ZNF600: variants seen among roughly 807,000 people sequenced by gnomAD.
The protein encoded by ZNF600 is zinc finger protein 600, also known as zinc finger protein KR-ZNF1.
Under a neutral mutation model 7.3 loss-of-function variants are expected in ZNF600, and 4 were observed. The ratio of observed to expected loss-of-function variants is 0.55; its 90% CI spans 0.27 to 1.25. The LOEUF (loss-of-function observed/expected upper bound fraction) is 1.25. ZNF600 is among the 50% of genes most tolerant of loss of function. The pLI is 0.12. For missense variants in ZNF600, 911 were observed against 922.1 expected, an observed-to-expected ratio of 0.99 and a Z score of 0.16; for synonymous variants, 290 against 308.9, an observed-to-expected ratio of 0.94 and a Z score of 0.64.
chr19:52,776,419 T>TTA (rs1230484311), intron 2 of ZNF600, among the ~76,000 whole-genome samples: 1 of 151,730 alleles, frequency 6.6e-6, no homozygotes, highest in Admixed American at 6.6e-5. Flanking sequence ...CTTCTTACTT[T>TTA]TTTTTTTTTT....
At chr19:52,781,452 C>G (rs571962604) in intron 1 of ZNF600, 1 of 152,234 alleles carries the variant, frequency 6.6e-6, no homozygotes, top group South Asian at 2.1e-4. Context: ...AATAGGCTGC[C>G]TTGGTCTTCC....
chr19:52,771,650 G>C (rs750823723), intron 3 of ZNF600, among the ~76,000 whole-genome samples: 1 of 152,208 alleles, frequency 6.6e-6, no homozygotes, highest in South Asian at 2.1e-4. Context: ...GCTAATTTTT[G>C]TATTTTTACC....
upstream of ZNF600, among the ~76,000 whole-genome samples, chr19:52,788,196 A>G (rs1347847197): frequency 6.6e-6 from 1 of 152,214 alleles, no homozygotes; most frequent in African/African-American, 2.4e-5. Context: ...GAAGATGACA[A>G]GGACTGAGAA....
chr19:52,781,331 T>C (rs1438352036), intron 1 of ZNF600: 2 of 152,104 alleles, frequency 1.3e-5, no homozygotes, highest in East Asian at 3.9e-4. Flanking sequence ...ATGTTACAGG[T>C]GGGCTCACTG....
the ZNF600 span, among the ~76,000 whole-genome samples, chr19:52,811,543 C>T: frequency 4.9e-4 from 72 of 147,932 alleles, no homozygotes; most frequent in South Asian, 1.5e-3. Flanking sequence ...TCTGCCCCAC[C>T]GCCCTGTCTG....
chr19:52,767,357 G>A, exon 4 of ZNF600: 2 of 1,614,058 alleles, frequency 1.2e-6, no homozygotes, highest in Non-Finnish European at 1.7e-6. Context: ...TAGAAATATG[G>A]ATTTGGGGCC....
the ZNF600 span, chr19:52,801,771 T>C: frequency 7.2e-7 from 1 of 1,388,888 alleles, no homozygotes; most frequent in Admixed American, 2.3e-5. Flanking sequence ...AATGTGTAAA[T>C]ATGACACAAA....
the ZNF600 span, among the ~76,000 whole-genome samples, chr19:52,802,032 A>T: frequency 6.6e-6 from 1 of 152,244 alleles, no homozygotes; most frequent in Non-Finnish European, 1.5e-5. Flanking sequence ...CACATCAAAA[A>T]AAGAAAAATA....
At chr19:52,825,750 CTG>C in the ZNF600 span, among the ~76,000 whole-genome samples, 2 of 152,040 alleles carry the variant, frequency 1.3e-5, no homozygotes, top group Non-Finnish European at 2.9e-5. Flanking sequence ...CTTCGGGAGG[CTG>C]AGGGGGATGG....
the ZNF600 span, among the ~76,000 whole-genome samples, chr19:52,830,707 AG>A: frequency 1.3e-5 from 2 of 151,646 alleles, no homozygotes; most frequent in Admixed American, 1.3e-4. Context: ...GTAGTGTTGG[AG>A]GGGAGGGGCT....
the ZNF600 span, among the ~76,000 whole-genome samples, chr19:52,819,605 A>G: frequency 9.5e-6 from 1 of 105,032 alleles, no homozygotes; most frequent in African/African-American, 4.0e-5. Context: ...TCAGAGCTGG[A>G]AACATTTTCA....
At chr19:52,833,394 A>G in the ZNF600 span, among the ~76,000 whole-genome samples, 5 of 152,272 alleles carry the variant, frequency 3.3e-5, no homozygotes, top group African/African-American at 1.2e-4. Flanking sequence ...ATGGAATCTC[A>G]GAGCAGGTGA....
intron 3 of ZNF600, among the ~76,000 whole-genome samples, chr19:52,773,033 G>A (rs895424483): frequency 1.3e-5 from 2 of 152,118 alleles, no homozygotes; most frequent in Non-Finnish European, 2.9e-5. Flanking sequence ...TGAGAGTAGT[G>A]TTGGAGGGGA....
chr19:52,831,663 C>T, the ZNF600 span, among the ~76,000 whole-genome samples: 1 of 152,024 alleles, frequency 6.6e-6, no homozygotes, highest in African/African-American at 2.4e-5. Flanking sequence ...CCACCACGCC[C>T]AGCTAATTTT....
Position 52,774,109 on chromosome 19 carries a change from A to C in ZNF600, c.190+466T>G, listed in dbSNP as rs116998129. 6.5e-3 allele frequency among the ~76,000 whole-genome samples: 991 copies of C among 152,230 alleles called. 10 individuals are homozygous for C. The highest frequency in any genetic ancestry group is 0.027 in the Middle Eastern group (8 of 294). On this transcript the variant is annotated intron_variant, in intron 3 of 3. Coordinates refer to ENST00000648973, the Ensembl canonical transcript of ZNF600. ...TGAACAAAATGTGGTATACACATAC[A>C]ATGGAATATTATTCAGCCTTAAAAA...
chr19:52,800,877 C>A, the ZNF600 span: 5 of 1,614,000 alleles, frequency 3.1e-6, no homozygotes, highest in Non-Finnish European at 4.2e-6. Flanking sequence ...TGGTTTCCCT[C>A]CAGTATAAAT....
chr19:52,800,683 A>G, the ZNF600 span: 63 of 1,613,736 alleles, frequency 3.9e-5, no homozygotes, highest in South Asian at 4.2e-4. Context: ...ACTTTTTCAC[A>G]TTCTTCACAT....
chr19:52,778,738 T>A, intron 2 of ZNF600, 88 bp downstream of exon 4: 1 of 1,508,246 alleles, frequency 6.6e-7, no homozygotes, highest in Non-Finnish European at 8.8e-7. Flanking sequence ...GGCAAAATTC[T>A]TCAAACTCAG....
chr19:52,820,982 C>G, the ZNF600 span, among the ~76,000 whole-genome samples: 2 of 152,070 alleles, frequency 1.3e-5, no homozygotes, highest in Non-Finnish European at 2.9e-5. Context: ...CTCGGAGAAG[C>G]GCATTTTCCC....
Sources: gnomAD v4.1 joint callset for allele counts (sites outside exome capture counted in the v4.1 genomes callset) on GRCh38, gnomAD v4.1.1 for gene constraint, MANE v1.5 for transcripts, NCBI Gene and HGNC (gene_info 2026-07-23, HGNC 2026-07-21) for gene names.